MITF: variants seen among roughly 807,000 people sequenced by gnomAD.
MITF encodes melanocyte inducing transcription factor.
A neutral mutation model predicts 60.5 loss-of-function variants in MITF; 17 were observed. The ratio of observed to expected loss-of-function variants is 0.28; its 90% confidence interval spans 0.19 to 0.42. The LOEUF is 0.42. Ranked by LOEUF, MITF falls within the 10% of genes least tolerant of loss-of-function variation. The probability of loss-of-function intolerance (pLI) is 1.00; values close to 1 mark genes in which losing one functional copy is unlikely to be tolerated. For missense variants in MITF, 622 were observed against 683.5 expected, an observed-to-expected ratio of 0.91 and a Z score of 1.00; for synonymous variants, 260 against 248.5, an observed-to-expected ratio of 1.05 and a Z score of -0.43.
At chr3:69,879,591 G>C (rs766448623) in intron 2 of MITF, among the ~76,000 whole-genome samples, 52 of 152,206 alleles carry the variant, frequency 3.4e-4, no homozygotes, top group Non-Finnish European at 5.3e-4. Context: ...ATCAGTAAAT[G>C]GTGGGAGTCA....
chr3:69,961,885 T>A lies in MITF; in HGVS notation c.1179+2465T>A, dbSNP rs140301508. 9.2e-5 allele frequency among the ~76,000 whole-genome samples: 14 copies of A among 152,364 alleles called. No homozygotes were observed. The East Asian group carries it at 2.3e-3, about 25-fold the overall frequency. Reference sequence around the variant, plus strand: ...ATACGAATATTGTGAAATATGTGCATTGGAAATTCCATGGTGACGATATCT... The same window carrying A: ...ATACGAATATTGTGAAATATGTGCAATGGAAATTCCATGGTGACGATATCT... On this transcript the variant is annotated intron_variant, in intron 9 of 9. Coordinates refer to ENST00000352241, the MANE Select transcript of MITF (RefSeq NM_001354604.2).
intron 1 of MITF, among the ~76,000 whole-genome samples, chr3:69,874,849 T>C (rs148677286): frequency 2.0e-5 from 3 of 152,126 alleles, no homozygotes; most frequent in South Asian, 2.1e-4. Context: ...CTGACAAAGA[T>C]AGAATAAAGT....
chr3:69,809,652 A>T (rs549062765), intron 1 of MITF, among the ~76,000 whole-genome samples: 2 of 150,212 alleles, frequency 1.3e-5, no homozygotes, highest in Non-Finnish European at 3.0e-5. Context: ...TTGGCAGAAG[A>T]CTTGCTATTG....
chr3:69,770,591 T>C (rs2062378190), intron 1 of MITF, among the ~76,000 whole-genome samples: 1 of 152,326 alleles, frequency 6.6e-6, no homozygotes, highest in Middle Eastern at 3.4e-3. Flanking sequence ...ATCCTTTCAA[T>C]TCAATCAGCA....
intron 1 of MITF, among the ~76,000 whole-genome samples, chr3:69,836,715 A>G (rs1421585377): frequency 6.6e-6 from 1 of 152,238 alleles, no homozygotes; most frequent in Non-Finnish European, 1.5e-5. Context: ...TCAGCTTTTC[A>G]GTACATTGTG....
intron 1 of MITF, among the ~76,000 whole-genome samples, chr3:69,863,652 G>A (rs2064057695): frequency 6.6e-6 from 1 of 152,208 alleles, no homozygotes; most frequent in African/African-American, 2.4e-5. Flanking sequence ...GTACCCGAGT[G>A]CCTTGTAGGT....
intron 3 of MITF, 96 bp downstream of exon 3, chr3:69,938,145 C>T: frequency 1.5e-6 from 2 of 1,366,034 alleles, no homozygotes; most frequent in Non-Finnish European, 2.1e-6. Context: ...CTAGTTTGTC[C>T]TTGTGGCCAC....
intron 1 of MITF, among the ~76,000 whole-genome samples, chr3:69,797,942 A>G (rs1260756535): frequency 6.6e-6 from 1 of 152,228 alleles, no homozygotes; most frequent in Non-Finnish European, 1.5e-5. Flanking sequence ...CTTTAAACTG[A>G]TCACAGATAA....
intron 1 of MITF, among the ~76,000 whole-genome samples, chr3:69,867,726 T>C (rs1184979891): frequency 1.3e-5 from 2 of 152,246 alleles, no homozygotes; most frequent in African/African-American, 2.4e-5. Flanking sequence ...TAATAATGGA[T>C]GGCATGAACA....
intron 5 of MITF, among the ~76,000 whole-genome samples, chr3:69,948,840 C>T (rs899734833): frequency 1.3e-5 from 2 of 152,092 alleles, no homozygotes; most frequent in African/African-American, 4.8e-5. Context: ...TACTTTCCTG[C>T]CTCAAAGGGA....
intron 1 of MITF, 50 bp from the exon 2 acceptor site, chr3:69,879,084 A>G (rs2064420469): frequency 6.6e-7 from 1 of 1,511,862 alleles, no homozygotes; most frequent in Non-Finnish European, 9.2e-7. Flanking sequence ...GTGCAAACGA[A>G]GGGTCTCATT....
chr3:69,809,662 G>T, intron 1 of MITF, among the ~76,000 whole-genome samples: 2 of 143,678 alleles, frequency 1.4e-5, no homozygotes, highest in East Asian at 2.0e-4. Flanking sequence ...ACTTGCTATT[G>T]CGTATAACAT....
chr3:69,870,441 T>TATATA (rs1234044352), intron 1 of MITF, among the ~76,000 whole-genome samples: 3 of 131,258 alleles, frequency 2.3e-5, no homozygotes, highest in African/African-American at 9.6e-5. Flanking sequence ...TATATATATA[T>TATATA]TTTTTTTTTT....
intron 2 of MITF, among the ~76,000 whole-genome samples, chr3:69,916,247 T>A (rs980748033): frequency 3.9e-5 from 6 of 152,342 alleles, no homozygotes; most frequent in South Asian, 2.1e-4. Flanking sequence ...AATCACATAA[T>A]AATTCAAATA....
At position 69,965,037 on chromosome 3, in the gene MITF, T is replaced by C. The variant is rs764322456; in HGVS notation, c.1370T>C (p.Phe457Ser). 2 of 1,614,092 alleles carry C rather than the reference T, an allele frequency of 1.2e-6. No individual in the cohort carries two copies. The highest frequency in any genetic ancestry group is 3.3e-5 in the Admixed American group (2 of 60,020). The change falls in exon 10 of 10, where the codon TTC (phenylalanine) becomes TCC (serine). Residue 457 changes from phenylalanine (F) to serine (S), a missense_variant. Around this residue, in one of 5 missense-constraint regions of MITF, gnomAD observed 224 missense variants for 209.5 expected, o/e 1.07. Transcript: ENST00000352241. The part of the protein sequence containing the change: ...TLDLTDGTIT[F>S]NNNLGTGTEA... ...GATCTCACGGATGGCACCATCACCT[T>C]CAACAACAACCTCGGAACTGGGACT...
intron 2 of MITF, among the ~76,000 whole-genome samples, chr3:69,903,527 A>G (rs975477865): frequency 6.6e-6 from 1 of 152,076 alleles, no homozygotes; most frequent in African/African-American, 2.4e-5. Context: ...TTACCATACA[A>G]ATATCTTAGG....
At chr3:69,883,528 A>G (rs1471007987) in intron 2 of MITF, among the ~76,000 whole-genome samples, 3 of 152,138 alleles carry the variant, frequency 2.0e-5, no homozygotes, top group Non-Finnish European at 2.9e-5. Flanking sequence ...GGTGTGATTT[A>G]TTTTTTAGGT....
At chr3:69,856,630 T>G (rs943349716) in intron 1 of MITF, among the ~76,000 whole-genome samples, 1 of 152,180 alleles carries the variant, frequency 6.6e-6, no homozygotes, top group Non-Finnish European at 1.5e-5. Context: ...ATTTACCATG[T>G]TTCTCAAAGG....
At chr3:69,822,982 A>G (rs2063300093) in intron 1 of MITF, among the ~76,000 whole-genome samples, 1 of 151,262 alleles carries the variant, frequency 6.6e-6, no homozygotes, top group African/African-American at 2.4e-5. Context: ...CACTGCAAGC[A>G]ATTTTCCTGC....
Sources: gnomAD v4.1 joint callset for allele counts (sites outside exome capture counted in the v4.1 genomes callset) on GRCh38, gnomAD v4.1.1 for gene constraint, gnomAD v4.1.1 regional missense constraint, MANE v1.5 for transcripts, NCBI Gene and HGNC (gene_info 2026-07-23, HGNC 2026-07-21) for gene names.